Variants in SCN8A observed in about 807,000 individuals in gnomAD.
SCN8A encodes sodium channel protein type 8 subunit alpha.
In SCN8A, 30 loss-of-function variants were observed where a neutral mutation model predicts 184.1. The ratio of observed to expected loss-of-function variants is 0.16; its 90% confidence interval spans 0.12 to 0.22. The LOEUF is 0.22. SCN8A is among the 10% of genes least tolerant of loss of function. The pLI is 1.00. For synonymous variants in SCN8A, 852 were observed against 907.0 expected (o/e 0.94, Z 1.09); for missense variants, 1,057 against 2,498.9 (o/e 0.42, Z 12.30).
intron 12 of SCN8A, among the ~76,000 whole-genome samples, chr12:51,732,296 A>T (rs897664042): frequency 6.6e-6 from 1 of 152,186 alleles, no homozygotes; most frequent in Non-Finnish European, 1.5e-5. Flanking sequence ...ATGGATATCC[A>T]GTTTTCCCAG....
intron 1 of SCN8A, among the ~76,000 whole-genome samples, chr12:51,612,887 A>G (rs534680670): frequency 2.0e-5 from 3 of 151,942 alleles, no homozygotes; most frequent in African/African-American, 7.3e-5. Context: ...ATGCTCAGCT[A>G]ATTTTTTGTA....
chr12:51,709,683 TAA>T lies in SCN8A; in HGVS notation c.1635+2970_1635+2971del, dbSNP rs200429413. 3.8e-3 allele frequency among the ~76,000 whole-genome samples: 576 copies of T among 152,070 alleles called. 5 individuals are homozygous for T. Among genetic ancestry groups the T allele is most frequent in the African/African-American group, 0.013 (548 of 41,438 alleles). Reference sequence around the variant, plus strand: ...TATAGACTTCTCATCCCAGCTTCTTTAAAGAGTGTGGGTGGAAATAAGCATGT... The same window carrying T: ...TATAGACTTCTCATCCCAGCTTCTTTAGAGTGTGGGTGGAAATAAGCATGT... On this transcript the variant is annotated intron_variant, in intron 11 of 26. Transcript: ENST00000627620.
intron 14 of SCN8A, 127 bp downstream of exon 14, chr12:51,751,720 T>C (rs1942598219): frequency 7.2e-6 from 5 of 694,708 alleles, no homozygotes; most frequent in Non-Finnish European, 1.2e-5. Flanking sequence ...AGACAAATGC[T>C]TCCACATATG....
At chr12:51,743,220 T>C (rs1003457041) in intron 12 of SCN8A, among the ~76,000 whole-genome samples, 33 of 152,200 alleles carry the variant, frequency 2.2e-4, no homozygotes, top group Non-Finnish European at 4.0e-4. Flanking sequence ...TGGTACCTTA[T>C]TTAGTTCTTT....
chr12:51,592,074 A>G (rs1290331308), intron 1 of SCN8A, among the ~76,000 whole-genome samples: 4 of 11,572 alleles, frequency 3.5e-4, no homozygotes, highest in Non-Finnish European at 5.2e-4. Flanking sequence ...CCCCACCCCC[A>G]CGCCACCCGA....
chr12:51,783,300 A>G lies in SCN8A; in HGVS notation c.3942+2529A>G, dbSNP rs553123186. Reference sequence around the variant, plus strand: ...TGTTTTATTTAAATGTTGTTTTTCTATGGGGCATTTTTTTTTTATTCTTTG... The same window carrying G: ...TGTTTTATTTAAATGTTGTTTTTCTGTGGGGCATTTTTTTTTTATTCTTTG... On this transcript the variant is annotated intron_variant, in intron 21 of 26. Transcript: ENST00000627620. Among the ~76,000 whole-genome samples, 114 of 152,266 alleles carry G rather than the reference A, an allele frequency of 7.5e-4. No individual in the cohort carries two copies. In the Middle Eastern group the frequency reaches 0.014, roughly 18 times the overall value.
intron 12 of SCN8A, among the ~76,000 whole-genome samples, chr12:51,730,217 G>A (rs1942218018): frequency 6.6e-6 from 1 of 151,960 alleles, no homozygotes; most frequent in Non-Finnish European, 1.5e-5. Flanking sequence ...ATTAATTTTT[G>A]TGTGTGAAAT....
intron 11 of SCN8A, among the ~76,000 whole-genome samples, chr12:51,714,576 G>C (rs969859840): frequency 9.9e-5 from 15 of 152,068 alleles, no homozygotes; most frequent in Non-Finnish European, 2.2e-4. Context: ...TTCCTTAAAA[G>C]GTCTCAGGGA....
chr12:51,780,380 C>T lies in SCN8A; in HGVS notation c.3820-269C>T, dbSNP rs113404805. The T allele has an allele frequency of 1.9e-3, 663 of 353,372 alleles. 8 individuals carry two copies. The highest frequency in any genetic ancestry group is 9.0e-3 in the African/African-American group (409 of 45,506). The allele number at this position is 353,372 out of a possible 1,614,324, so 21.9% of individuals were successfully genotyped here. ...TTTCCAACTTGTGTGTATGTTCTAC[C>T]GCCTTCTCGATTTTCTCTTCCCTGT... On this transcript the variant is annotated intron_variant, in intron 20 of 26. Coordinates refer to ENST00000627620, the MANE Select transcript of SCN8A (RefSeq NM_001330260.2).
intron 14 of SCN8A, among the ~76,000 whole-genome samples, chr12:51,759,569 G>A (rs1397789210): frequency 1.8e-4 from 27 of 152,144 alleles, no homozygotes; most frequent in Non-Finnish European, 8.8e-5. Context: ...TGTAGTTGAT[G>A]GTAGCTAACT....
At chr12:51,646,801 TG>T (rs1940599513) in intron 1 of SCN8A, among the ~76,000 whole-genome samples, 1 of 151,988 alleles carries the variant, frequency 6.6e-6, no homozygotes, top group African/African-American at 2.4e-5. Flanking sequence ...AAATAGGTGA[TG>T]GGGGAATGGG....
intron 12 of SCN8A, among the ~76,000 whole-genome samples, chr12:51,723,578 C>T (rs1942109019): frequency 6.6e-6 from 1 of 151,832 alleles, no homozygotes; most frequent in Non-Finnish European, 1.5e-5. Context: ...TTAATTTGTC[C>T]TAAATAAAAA....
chr12:51,594,128 A>G (rs745666145), intron 1 of SCN8A, among the ~76,000 whole-genome samples: 3 of 152,230 alleles, frequency 2.0e-5, no homozygotes, highest in African/African-American at 2.4e-5. Flanking sequence ...CATAAAATTC[A>G]CATGGTACCA....
At chr12:51,627,712 C>T (rs1940110501) in intron 1 of SCN8A, among the ~76,000 whole-genome samples, 1 of 152,136 alleles carries the variant, frequency 6.6e-6, no homozygotes, top group South Asian at 2.1e-4. Context: ...ACATTTACTA[C>T]AAGAAATAAG....
At chr12:51,746,747 T>C (rs562399699) in intron 13 of SCN8A, among the ~76,000 whole-genome samples, 1 of 152,304 alleles carries the variant, frequency 6.6e-6, no homozygotes, top group East Asian at 1.9e-4. Context: ...GATTTTCCAT[T>C]AGGCCACAGT....
At chr12:51,699,128 AGGCTTTCTGGAAGAATTGACGTTTAAACT>A (rs1941641836) in intron 6 of SCN8A, among the ~76,000 whole-genome samples, 1 of 152,262 alleles carries the variant, frequency 6.6e-6, no homozygotes, top group African/African-American at 2.4e-5. Flanking sequence ...AAGTCAGAGA[AGGCTTTCTGGAAGAATTGACGTTTAAACT>A]GGGCCTTGAA....
intron 1 of SCN8A, among the ~76,000 whole-genome samples, chr12:51,642,895 C>T (rs190983495): frequency 2.9e-4 from 44 of 152,042 alleles, no homozygotes; most frequent in Non-Finnish European, 2.8e-4. Context: ...GTCTGCTCTT[C>T]GGCCTGTTAG....
chr12:51,670,957 A>G (rs1941120837), intron 2 of SCN8A, among the ~76,000 whole-genome samples: 1 of 152,222 alleles, frequency 6.6e-6, no homozygotes, highest in African/African-American at 2.4e-5. Flanking sequence ...AGGGAAACAC[A>G]TAACAAACAA....
At chr12:51,615,962 C>G (rs1394611795) in intron 1 of SCN8A, among the ~76,000 whole-genome samples, 3 of 152,076 alleles carry the variant, frequency 2.0e-5, no homozygotes, top group Non-Finnish European at 2.9e-5. Context: ...AAACTCTTGG[C>G]CTCCAGCAGT....
Sources: allele counts gnomAD v4.1 joint callset (sites outside exome capture counted in the v4.1 genomes callset), GRCh38; gene constraint gnomAD v4.1.1; transcripts MANE v1.5; gene names NCBI Gene and HGNC (gene_info 2026-07-23, HGNC 2026-07-21).